Variants in GAA observed in about 807,000 individuals in gnomAD.
GAA encodes lysosomal alpha-glucosidase.
Under a neutral mutation model 103.9 loss-of-function variants are expected in GAA, and 88 were observed. The ratio of observed to expected loss-of-function variants is 0.85; its 90% CI spans 0.71 to 1.01. GAA has a LOEUF of 1.01. Among genes scored for constraint, GAA ranks in the 50% least tolerant of loss-of-function variants. The pLI is 0.00. For missense variants in GAA, 1,350 were observed against 1,305.3 expected, an observed-to-expected ratio of 1.03 and a Z score of -0.53; for synonymous variants, 572 against 563.1, an observed-to-expected ratio of 1.02 and a Z score of -0.22.
At chr17:80,110,243 A>G (rs1014177901) in intron 9 of GAA, among the ~76,000 whole-genome samples, 188 bp downstream of exon 9, 16 of 152,342 alleles carry the variant, frequency 1.1e-4, no homozygotes, top group African/African-American at 3.6e-4. Flanking sequence ...GAGTTCTTCC[A>G]TCAGCAGGCC....
At chr17:80,118,893 C>A in intron 19 of GAA, 88 bp downstream of exon 19, 4 of 1,500,928 alleles carry the variant, frequency 2.7e-6, no homozygotes, top group Non-Finnish European at 3.6e-6. Context: ...TGACCGATGC[C>A]AGGAACAGAG....
intron 17 of GAA, 49 bp from the exon 18 acceptor site, chr17:80,118,144 A>C (rs753637468): frequency 6.2e-7 from 1 of 1,600,204 alleles, no homozygotes; most frequent in Non-Finnish European, 8.5e-7. Context: ...GGAGGCCTCC[A>C]CCTCCACCAG....
Position 80,118,372 on chromosome 17 carries a change from T to A in GAA, c.2646+15T>A, listed in dbSNP as rs1490701819. The A allele has an allele frequency of 1.3e-6, 2 of 1,558,064 alleles. No homozygotes were observed. The highest frequency in any genetic ancestry group is 1.7e-6 in the Non-Finnish European group (2 of 1,151,000). ...TGGCCAGGAATGTGAGTCCTGGGGC[T>A]GCTCAGGCTGGTGGGCAGGGGCCGG... On this transcript the variant is annotated intron_variant, in intron 18 of 19. Transcript: ENST00000302262.
intron 8 of GAA, 48 bp from the exon 9 acceptor site, chr17:80,109,897 G>A (rs756814581): frequency 2.8e-6 from 4 of 1,454,466 alleles, no homozygotes; most frequent in Middle Eastern, 1.7e-4. Flanking sequence ...CGTGGCTGGC[G>A]CCAGGGCTCT....
Position 80,118,522 on chromosome 17 carries a change from T to C in GAA, c.2647-131T>C, listed in dbSNP as rs557720132. 456 of 1,384,204 alleles carry C rather than the reference T, an allele frequency of 3.3e-4. 2 individuals are homozygous for C. The Middle Eastern group carries it at 9.9e-3, about 30-fold the overall frequency. 85.7% of individuals were successfully genotyped at this position (1,384,204 alleles called of 1,614,324 possible). On this transcript the variant is annotated intron_variant, in intron 18 of 19. Coordinates refer to ENST00000302262, the MANE Select transcript of GAA (RefSeq NM_000152.5). ...AGCAGTGGGGCCGTGCACTCTGCCCTTTCGTGTACACAGAGGGAGGTCACC... is the reference window on the plus strand; with the variant it reads ...AGCAGTGGGGCCGTGCACTCTGCCCCTTCGTGTACACAGAGGGAGGTCACC...
chr17:80,108,767 G>C lies in GAA; in HGVS notation c.1265G>C (p.Arg422Pro). The change falls in exon 8 of 20, where the codon CGG (arginine) becomes CCG (proline). Residue 422 changes from arginine to proline, a missense_variant. Physicochemically the swap from Arg to Pro is moderately radical, Grantham distance 103 (BLOSUM62 -2). Transcript: ENST00000302262. The part of the protein sequence containing the change: ...RDFTFNKDGF[R>P]DFPAMVQELH... ...TTCACGTTCAACAAGGATGGCTTCC[G>C]GGACTTCCCGGCCATGGTGCAGGAG... is the stretch of plus-strand genomic sequence containing the variant. The C allele has an allele frequency of 6.2e-7, 1 of 1,609,978 alleles. No individual in the cohort carries two copies. Among genetic ancestry groups the C allele is most frequent in the South Asian group, 1.1e-5 (1 of 90,604 alleles).
intron 15 of GAA, among the ~76,000 whole-genome samples, chr17:80,116,567 T>C (rs2039356772): frequency 6.6e-6 from 1 of 152,270 alleles, no homozygotes; most frequent in Non-Finnish European, 1.5e-5. Context: ...AAGTTGCCTT[T>C]GGTTGTGGGA....
rs563515501 is a variant in GAA at position 80,103,652 on chromosome 17, G to A, written c.-32-903G>A. On this transcript the variant is annotated intron_variant, in intron 1 of 19. Coordinates refer to ENST00000302262, the MANE Select transcript of GAA (RefSeq NM_000152.5). ...GAACCCCCATATCTCATCTGCACGC[G>A]ACATCCTTGTTGTGTCTGTACCCGA... is the stretch of plus-strand genomic sequence containing the variant. Among the ~76,000 whole-genome samples, 22 of 152,254 alleles carry A rather than the reference G, an allele frequency of 1.4e-4. No individual in the cohort carries two copies. In the East Asian group the frequency reaches 1.9e-3, roughly 13 times the overall value.
intron 2 of GAA, 142 bp from the exon 3 acceptor site, chr17:80,105,607 G>A (rs1240838116): frequency 2.0e-6 from 2 of 995,790 alleles, no homozygotes; most frequent in Non-Finnish European, 3.1e-6. Flanking sequence ...GGGAGCCGAG[G>A]CTCAGAGAGG....
At position 80,119,681 on chromosome 17, in the gene GAA, A is replaced by C. The variant is rs2039441756; in HGVS notation, c.*350A>C. ...CCCAGCACCGGAGAAGGGGGTGCTC[A>C]GGTGGAGGTGTGGGGTATGCACCTG... On this transcript the variant is annotated 3_prime_UTR_variant, in exon 20 of 20. Transcript: ENST00000302262. The C allele has an allele frequency of 2.8e-6, 1 of 356,766 alleles. No homozygotes were observed. The highest frequency in any genetic ancestry group is 2.3e-5 in the South Asian group (1 of 44,308). The allele number at this position is 356,766 out of a possible 1,614,324, so 22.1% of individuals were successfully genotyped here.
At chr17:80,112,149 T>A (rs2143884544) in intron 12 of GAA, 49 bp downstream of exon 12, 1 of 1,561,708 alleles carries the variant, frequency 6.4e-7, no homozygotes, top group African/African-American at 1.3e-5. Context: ...CAGCCTGTCC[T>A]ACAAGGTTGG....
At chr17:80,109,866 T>C in intron 8 of GAA, 79 bp from the exon 9 acceptor site, 2 of 1,008,746 alleles carry the variant, frequency 2.0e-6, no homozygotes, top group Non-Finnish European at 1.6e-6. Flanking sequence ...AGCCTCATCC[T>C]CTCACTGTCT....
intron 11 of GAA, among the ~76,000 whole-genome samples, chr17:80,111,226 C>T (rs2039230663): frequency 6.6e-6 from 1 of 152,234 alleles, no homozygotes; most frequent in African/African-American, 2.4e-5. Context: ...GGCACAGGCC[C>T]TGCCGGAGGA....
chr17:80,109,890 G>C lies in GAA; in HGVS notation c.1327-55G>C, dbSNP rs2039188409. On this transcript the variant is annotated intron_variant, in intron 8 of 19. Transcript: ENST00000302262. ...CTCTCACTGTCTCAGTTTTCCCCGTGGCTGGCGCCAGGGCTCTGGGCCACC... is the reference window on the plus strand; with the variant it reads ...CTCTCACTGTCTCAGTTTTCCCCGTCGCTGGCGCCAGGGCTCTGGGCCACC... 9.0e-6 allele frequency: 12 copies of C among 1,335,936 alleles called. No homozygotes were observed. In the South Asian group the frequency reaches 1.3e-4, roughly 14 times the overall value. 82.8% of individuals were successfully genotyped at this position (1,335,936 alleles called of 1,614,324 possible).
At chr17:80,112,500 C>G in intron 12 of GAA, 78 bp from the exon 13 acceptor site, 6 of 1,575,560 alleles carry the variant, frequency 3.8e-6, no homozygotes, top group South Asian at 2.2e-5. Flanking sequence ...TCCTTGCTCC[C>G]AGCTCTGCCC....
intron 8 of GAA, among the ~76,000 whole-genome samples, chr17:80,109,425 G>T (rs914185418): frequency 4.6e-5 from 7 of 152,228 alleles, no homozygotes; most frequent in African/African-American, 1.7e-4. Context: ...CCCGAGTCTG[G>T]TGTCCGGCAC....
Position 80,104,652 on chromosome 17 carries a change from A to T in GAA, c.66A>T (p.Ala22=). 6.2e-7 allele frequency: 1 copy of T among 1,613,016 alleles called. No homozygotes were observed. ...CCGTCTGCGCCCTCGTGTCCTTGGC[A>T]ACCGCTGCACTCCTGGGGCACATCC... ...LLAVCALVSL[A]TAALLGHILL... is the part of the protein sequence containing the mutation. The change falls in exon 2 of 20, where the codon GCA becomes GCT. Residue 22 remains alanine, a synonymous_variant. Transcript: ENST00000302262. This position sits in a 1 kb window ranked among gnomAD's most constrained non-coding sequence, Gnocchi z 4.0.
chr17:80,118,281 T>G lies in GAA; in HGVS notation c.2570T>G (p.Leu857Arg), dbSNP rs2143930222. The change falls in exon 18 of 20, where the codon CTG becomes CGG. Residue 857 changes from leucine to arginine, a missense_variant. Physicochemically the swap from Leu to Arg is moderately radical, Grantham distance 102 (BLOSUM62 -2). Coordinates refer to ENST00000302262, the MANE Select transcript of GAA (RefSeq NM_000152.5). ...AAGGGTGGGGAGGCCCGAGGGGAGC[T>G]GTTCTGGGACGATGGAGAGAGCCTG... The part of the protein sequence containing the change: ...LTKGGEARGE[L>R]FWDDGESLEV... The G allele has an allele frequency of 6.2e-7, 1 of 1,605,322 alleles. No individual in the cohort carries two copies. The highest frequency in any genetic ancestry group is 1.1e-5 in the South Asian group (1 of 90,142).
At chr17:80,116,435 C>T (rs569334043) in intron 15 of GAA, among the ~76,000 whole-genome samples, 6 of 152,270 alleles carry the variant, frequency 3.9e-5, no homozygotes, top group East Asian at 1.9e-4. Context: ...CCTGCACGTC[C>T]GGGGGCAGGA....
Sources: allele counts gnomAD v4.1 joint callset (sites outside exome capture counted in the v4.1 genomes callset), GRCh38; gene constraint gnomAD v4.1.1; non-coding constraint Gnocchi (gnomAD v3.1); transcripts MANE v1.5; gene names NCBI Gene and HGNC (gene_info 2026-07-23, HGNC 2026-07-21).